Variants in SPOCK1 observed in about 807,000 individuals in gnomAD.
SPOCK1 encodes the protein testican-1.
Under a neutral mutation model 55.3 loss-of-function variants are expected in SPOCK1, and 23 were observed. The observed-to-expected ratio is 0.42, with a 90% confidence interval of 0.30 to 0.59. SPOCK1 has a LOEUF of 0.59. Ranked by LOEUF, SPOCK1 falls within the 20% of genes least tolerant of loss-of-function variation. The pLI is 0.22. For missense variants in SPOCK1, 499 were observed against 552.5 expected (o/e 0.90, Z 0.97); for synonymous variants, 226 against 221.0 (o/e 1.02, Z -0.20).
intron 9 of SPOCK1, among the ~76,000 whole-genome samples, chr5:136,979,916 G>A (rs1750696856): frequency 6.6e-6 from 1 of 152,054 alleles, no homozygotes; most frequent in Non-Finnish European, 1.5e-5. Flanking sequence ...CCAATACTTT[G>A]CCCAACCACA....
chr5:137,387,770 A>C (rs545539715), intron 2 of SPOCK1, among the ~76,000 whole-genome samples: 1 of 152,354 alleles, frequency 6.6e-6, no homozygotes, highest in South Asian at 2.1e-4. Flanking sequence ...AGGGATGTTG[A>C]TAATAGCTCA....
intron 2 of SPOCK1, among the ~76,000 whole-genome samples, chr5:137,399,078 C>A (rs1392744183): frequency 6.6e-6 from 1 of 152,186 alleles, no homozygotes; most frequent in East Asian, 1.9e-4. Flanking sequence ...AAAAGATAGG[C>A]ACTTCACATT....
chr5:137,070,102 G>T (rs1019505354), intron 5 of SPOCK1, among the ~76,000 whole-genome samples: 1 of 152,156 alleles, frequency 6.6e-6, no homozygotes, highest in Non-Finnish European at 1.5e-5. Flanking sequence ...TGCAAGCCAG[G>T]TTTGAGCAGA....
chr5:137,091,696 G>A (rs566602575), intron 5 of SPOCK1, among the ~76,000 whole-genome samples: 9 of 152,224 alleles, frequency 5.9e-5, no homozygotes, highest in African/African-American at 2.2e-4. Context: ...AACAGAGAGC[G>A]CCTCCAGGCA....
At chr5:137,259,759 G>A (rs1313172295) in intron 3 of SPOCK1, among the ~76,000 whole-genome samples, 2 of 151,870 alleles carry the variant, frequency 1.3e-5, no homozygotes, top group African/African-American at 4.8e-5. Context: ...AAGCTTATGG[G>A]AGAGGCAAGA....
At chr5:137,149,817 C>T (rs926159945) in intron 3 of SPOCK1, among the ~76,000 whole-genome samples, 3 of 152,092 alleles carry the variant, frequency 2.0e-5, no homozygotes, top group East Asian at 1.9e-4. Flanking sequence ...GCATTTGGCT[C>T]GGAGAGATGT....
At chr5:137,160,571 T>TA (rs1491560192) in intron 3 of SPOCK1, among the ~76,000 whole-genome samples, 2 of 53,872 alleles carry the variant, frequency 3.7e-5, no homozygotes, top group African/African-American at 7.4e-5. Flanking sequence ...ATATTATATA[T>TA]TATATAATAT....
intron 2 of SPOCK1, among the ~76,000 whole-genome samples, chr5:137,486,564 G>T (rs1191589845): frequency 6.6e-6 from 1 of 152,216 alleles, no homozygotes; most frequent in Non-Finnish European, 1.5e-5. Context: ...ATGGTAGCCT[G>T]GTCAGTAAGT....
intron 3 of SPOCK1, among the ~76,000 whole-genome samples, chr5:137,168,753 A>G (rs1754695432): frequency 6.6e-6 from 1 of 152,142 alleles, no homozygotes; most frequent in South Asian, 2.1e-4. Context: ...TACTGTTGGT[A>G]GGAATGTGAA....
rs11479277 is a variant in SPOCK1, at chr5:137,039,270, C to CTTTTTTTTTTTTT, written c.589+28432_589+28444dup. ...TCACTCTGCCTTTCTGCCTGCCACACTTTTTTTTTTTTTTTTTTTTTTTTT... is the reference window on the plus strand; with the variant it reads ...TCACTCTGCCTTTCTGCCTGCCACACTTTTTTTTTTTTTTTTTTTTTTTTTTTTTTTTTTTTTT... On this transcript the variant is annotated intron_variant, in intron 6 of 10. Coordinates refer to ENST00000394945, the MANE Select transcript of SPOCK1 (RefSeq NM_004598.4). Among the ~76,000 whole-genome samples, 33 of 88,942 alleles carry CTTTTTTTTTTTTT rather than the reference C, an allele frequency of 3.7e-4. 6 individuals carry two copies. The highest frequency in any genetic ancestry group is 6.7e-4 in the African/African-American group (18 of 26,980). The allele number at this position is 88,942 out of a possible 152,430, so 58.3% of individuals were successfully genotyped here. A position where few individuals can be genotyped will look rare whatever the true frequency, so the allele number is the denominator to read the frequency against.
At chr5:137,098,710 T>C (rs1442960837) in intron 5 of SPOCK1, among the ~76,000 whole-genome samples, 2 of 152,172 alleles carry the variant, frequency 1.3e-5, no homozygotes, top group African/African-American at 4.8e-5. Context: ...CAAGAACACA[T>C]TGCTCTTCCC....
At chr5:137,378,235 C>T (rs1427021849) in intron 2 of SPOCK1, among the ~76,000 whole-genome samples, 1 of 152,204 alleles carries the variant, frequency 6.6e-6, no homozygotes, top group African/African-American at 2.4e-5. Flanking sequence ...TGAGCCACCG[C>T]ACCTGGCCTT....
At chr5:137,114,421 G>A (rs983833603) in intron 4 of SPOCK1, among the ~76,000 whole-genome samples, 1 of 152,094 alleles carries the variant, frequency 6.6e-6, no homozygotes, top group African/African-American at 2.4e-5. Context: ...ATTCTTTGAG[G>A]GCACCCATAT....
At chr5:137,116,643 T>C (rs188246985) in intron 4 of SPOCK1, among the ~76,000 whole-genome samples, 4 of 151,060 alleles carry the variant, frequency 2.6e-5, no homozygotes, top group Non-Finnish European at 5.9e-5. Context: ...CAAAACTCTG[T>C]CTAAAAAAAA....
intron 3 of SPOCK1, among the ~76,000 whole-genome samples, chr5:137,204,279 A>G (rs1349068895): frequency 4.6e-5 from 7 of 152,212 alleles, no homozygotes; most frequent in African/African-American, 1.7e-4. Flanking sequence ...CAGTAGCAAA[A>G]CAGCTTAAAA....
chr5:136,988,525 A>C lies in SPOCK1; in HGVS notation c.825T>G (p.Asp275Glu). 1.2e-6 allele frequency: 2 copies of C among 1,614,150 alleles called. No homozygotes were observed. The highest frequency in any genetic ancestry group is 1.7e-6 in the Non-Finnish European group (2 of 1,180,008). The change falls in exon 8 of 11, where the codon GAT becomes GAG. Residue 275 changes from aspartate (D) to glutamate (E), a missense_variant. Transcript: ENST00000394945. ...DPSEINAIYLDKYEPCIKPLF... is the reference protein window; with the variant it reads ...DPSEINAIYLEKYEPCIKPLF... ...GAGGCTTGATACAGGGCTCGTACTT[A>C]TCCAGGTAGATGGCATTGATCTCTG...
intron 6 of SPOCK1, among the ~76,000 whole-genome samples, chr5:137,039,787 C>T (rs866009093): frequency 7.2e-5 from 11 of 152,340 alleles, no homozygotes; most frequent in African/African-American, 2.4e-4. Flanking sequence ...AACAGAGCAG[C>T]CCCATCAAAG....
chr5:137,007,662 G>T (rs964113062), intron 6 of SPOCK1, among the ~76,000 whole-genome samples: 3 of 152,190 alleles, frequency 2.0e-5, no homozygotes, highest in Admixed American at 2.0e-4. Flanking sequence ...AGGATGTGGA[G>T]AAATAGGAAC....
chr5:137,023,601 A>G (rs1751613859), intron 6 of SPOCK1, among the ~76,000 whole-genome samples: 1 of 152,224 alleles, frequency 6.6e-6, no homozygotes, highest in Non-Finnish European at 1.5e-5. Flanking sequence ...AGAAGAATAG[A>G]TGAGGAAATG....
Sources: allele counts gnomAD v4.1 joint callset (sites outside exome capture counted in the v4.1 genomes callset), GRCh38; gene constraint gnomAD v4.1.1; transcripts MANE v1.5; gene names NCBI Gene and HGNC (gene_info 2026-07-23, HGNC 2026-07-21).